The following TULP4 variants were observed in gnomAD, a reference collection of about 807,000 sequenced individuals.
TULP4 encodes TUB like protein 4.
In TULP4, 16 loss-of-function variants were observed where a neutral mutation model predicts 129.0. That is an observed-to-expected ratio of 0.12 (90% CI 0.08 to 0.19). The LOEUF is 0.19. Ranked by LOEUF, TULP4 falls within the 10% of genes least tolerant of loss-of-function variation. The pLI is 1.00. For synonymous variants in TULP4, 998 were observed against 854.0 expected, an observed-to-expected ratio of 1.17 and a Z score of -2.94; for missense variants, 1,842 against 2,059.1, an observed-to-expected ratio of 0.89 and a Z score of 2.04.
intron 5 of TULP4, among the ~76,000 whole-genome samples, chr6:158,452,595 C>G (rs1169197656): frequency 3.3e-5 from 5 of 152,246 alleles, no homozygotes; most frequent in African/African-American, 1.2e-4. Flanking sequence ...AATAAACGGA[C>G]TGCAGCACCT....
At chr6:158,291,439 CT>C (rs1778938876) in intron 1 of TULP4, among the ~76,000 whole-genome samples, 1 of 152,184 alleles carries the variant, frequency 6.6e-6, no homozygotes, top group Non-Finnish European at 1.5e-5. Flanking sequence ...AAGCACCTGT[CT>C]TTTCCTTTTG....
chr6:158,284,822 G>A (rs1375629869), intron 1 of TULP4, among the ~76,000 whole-genome samples: 1 of 152,228 alleles, frequency 6.6e-6, no homozygotes, highest in Non-Finnish European at 1.5e-5. Context: ...TGAGACCACA[G>A]TGGTTAAGTA....
chr6:158,412,994 T>A, intron 1 of TULP4, 71 bp from the exon 2 acceptor site: 2 of 1,549,252 alleles, frequency 1.3e-6, no homozygotes, highest in South Asian at 1.2e-5. Flanking sequence ...TCAAGTCTGA[T>A]CACATCACAG....
intron 1 of TULP4, chr6:158,238,415 G>GT (rs71030150): frequency 8.0e-3 from 2,541 of 319,052 alleles, no homozygotes; most frequent in East Asian, 0.019. Context: ...TTGTTAAATT[G>GT]TTTTTTTTTT....
chr6:158,234,614 A>T (rs1777654926), intron 1 of TULP4, among the ~76,000 whole-genome samples: 1 of 152,240 alleles, frequency 6.6e-6, no homozygotes, highest in Admixed American at 6.5e-5. Flanking sequence ...TGTAAAATGC[A>T]TTTAAAAACT....
intron 1 of TULP4, among the ~76,000 whole-genome samples, chr6:158,386,251 T>A (rs971905460): frequency 1.8e-4 from 27 of 152,174 alleles, no homozygotes; most frequent in African/African-American, 6.3e-4. Context: ...CAGACTCCTA[T>A]TAATTATATG....
At position 158,503,907 on chromosome 6, in the gene TULP4, G is replaced by C; in HGVS notation, c.4244G>C (p.Ser1415Thr). 4.3e-6 allele frequency: 7 copies of C among 1,614,092 alleles called. No individual in the cohort carries two copies. Among genetic ancestry groups the C allele is most frequent in the Non-Finnish European group, 5.9e-6 (7 of 1,180,038 alleles). Residue 1415 changes from serine to threonine, a missense_variant, in exon 13 of 14, where the codon AGC (serine) becomes ACC (threonine). This residue lies in a region of TULP4 where 1,089 missense variants were observed against 987.1 expected (regional missense o/e 1.10). Coordinates refer to ENST00000367097, the MANE Select transcript of TULP4 (RefSeq NM_020245.5). The surrounding 1 kb of genome is among the most constrained non-coding windows in gnomAD (Gnocchi z 4.3). ...GAGAGCGAGCCTGAGCTGTTCATCA[G>C]CGGGGATGAGCTCATGAACCAGAGC... ...SSESEPELFISGDELMNQSQG... is the reference protein window; with the variant it reads ...SSESEPELFITGDELMNQSQG...
At position 158,502,290 on chromosome 6, in the gene TULP4, C is replaced by CAGTG. The variant is rs1780469318; in HGVS notation, c.2628_2631dup (p.His878SerfsTer10). On this transcript the variant is annotated frameshift_variant, in exon 13 of 14. Transcript: ENST00000367097. LOFTEE classifies it high-confidence loss of function. ...GGCGACTTCTCCCTCTACCCCACGT[C>CAGTG]AGTGCACTACCAGACCCCCCTGGGC... 2 of 1,612,890 alleles carry CAGTG rather than the reference C, an allele frequency of 1.2e-6. No homozygotes were observed. The highest frequency in any genetic ancestry group is 1.7e-6 in the Non-Finnish European group (2 of 1,179,764).
intron 1 of TULP4, among the ~76,000 whole-genome samples, chr6:158,325,454 G>A (rs1334558061): frequency 6.7e-6 from 1 of 149,144 alleles, no homozygotes; most frequent in Non-Finnish European, 1.5e-5. Context: ...TTGGGTTCAT[G>A]CCATTCTCCT....
intron 5 of TULP4, among the ~76,000 whole-genome samples, chr6:158,459,091 G>A (rs185068194): frequency 5.3e-5 from 8 of 152,238 alleles, no homozygotes; most frequent in African/African-American, 9.6e-5. Flanking sequence ...AGAGTGATTC[G>A]CCTTTGCAGA....
chr6:158,379,836 T>A (rs1777283278), intron 1 of TULP4, among the ~76,000 whole-genome samples: 1 of 152,100 alleles, frequency 6.6e-6, no homozygotes, highest in African/African-American at 2.4e-5. Flanking sequence ...CTGTTTGACA[T>A]TGAAATGGAG....
chr6:158,492,259 C>T (rs1780233441), intron 9 of TULP4, among the ~76,000 whole-genome samples: 1 of 152,178 alleles, frequency 6.6e-6, no homozygotes, highest in Non-Finnish European at 1.5e-5. Context: ...TTTCTGTGTC[C>T]TGTTCGGGAT....
intron 1 of TULP4, among the ~76,000 whole-genome samples, chr6:158,359,712 G>A (rs1780724617): frequency 6.6e-6 from 1 of 152,094 alleles, no homozygotes; most frequent in East Asian, 1.9e-4. Context: ...GACACACCCA[G>A]GAACAATAGT....
intron 6 of TULP4, among the ~76,000 whole-genome samples, chr6:158,467,273 CTTTCTTTTTTTTT>C (rs1779573520): frequency 8.3e-6 from 1 of 121,110 alleles, no homozygotes; most frequent in African/African-American, 4.1e-5. Context: ...ACGACTTTCC[CTTTCTTTTTTTTT>C]TTTTTTTTTT....
intron 1 of TULP4, among the ~76,000 whole-genome samples, chr6:158,300,857 C>CAAT (rs1292157267): frequency 5.9e-5 from 9 of 152,276 alleles, no homozygotes; most frequent in Admixed American, 4.6e-4. Context: ...CAGTGGTGGA[C>CAAT]AATAAGCTTA....
rs755587179 is a variant in TULP4, at chr6:158,481,072, G to T, written c.1269G>T (p.Pro423=). The T allele has an allele frequency of 6.4e-7, 1 of 1,574,688 alleles. No homozygotes were observed. The highest frequency in any genetic ancestry group is 8.6e-7 in the Non-Finnish European group (1 of 1,156,476). ...IPTIKPPIPD[P]NNMRDFVSYP... Reference sequence around the variant, plus strand: ...TCCTCCAGCCCCCAATTCCAGATCCGAACAACATGAGAGACTTTGTCAGCT... The same window carrying T: ...TCCTCCAGCCCCCAATTCCAGATCCTAACAACATGAGAGACTTTGTCAGCT... The change falls in exon 8 of 14, where the codon CCG becomes CCT. Residue 423 remains proline (P), a synonymous_variant. Transcript: ENST00000367097.
chr6:158,254,905 C>G (rs1194896270), intron 1 of TULP4, among the ~76,000 whole-genome samples: 1 of 152,186 alleles, frequency 6.6e-6, no homozygotes, highest in Non-Finnish European at 1.5e-5. Flanking sequence ...AACCCTGTCT[C>G]TACTAAAAGT....
At chr6:158,506,473 T>C in intron 13 of TULP4, 105 bp from the exon 14 acceptor site, 1 of 776,402 alleles carries the variant, frequency 1.3e-6, no homozygotes, top group South Asian at 1.4e-5. Flanking sequence ...CGTCGTGATC[T>C]GCCCACCTCG....
chr6:158,333,363 G>T (rs1779956774), intron 1 of TULP4, among the ~76,000 whole-genome samples: 1 of 152,216 alleles, frequency 6.6e-6, no homozygotes, highest in Admixed American at 6.5e-5. Flanking sequence ...CTCACAGTGA[G>T]ATGGTGGCCA....
Sources: gnomAD v4.1 joint callset for allele counts (sites outside exome capture counted in the v4.1 genomes callset) on GRCh38, gnomAD v4.1.1 for gene constraint, gnomAD v4.1.1 regional missense constraint, Gnocchi (gnomAD v3.1) non-coding constraint, MANE v1.5 for transcripts, NCBI Gene and HGNC (gene_info 2026-07-23, HGNC 2026-07-21) for gene names.